The following SPOPL variants were observed in gnomAD, a reference collection of about 807,000 sequenced individuals.
The protein encoded by SPOPL is speckle-type POZ protein-like.
In SPOPL, 23 loss-of-function variants were observed where a neutral mutation model predicts 53.8. That is an observed-to-expected ratio of 0.43 (90% confidence interval 0.31 to 0.61). The LOEUF is 0.61. Ranked by LOEUF, SPOPL falls within the 20% of genes least tolerant of loss-of-function variation. SPOPL has a pLI of 0.12. For missense variants in SPOPL, 442 were observed against 466.9 expected, an observed-to-expected ratio of 0.95 and a Z score of 0.49; for synonymous variants, 164 against 149.7, an observed-to-expected ratio of 1.10 and a Z score of -0.70.
In SPOPL at chr2:138,527,993, C is replaced by T. The variant is rs373804948; in HGVS notation, c.-60-22164C>T. The stretch of plus-strand genomic sequence containing the variant: ...TGTGGGAGAGTGCTCTATTTGATTT[C>T]TGTTAGAAGTTATCTTTTCTCCTTA... On this transcript the variant is annotated intron_variant, in intron 1 of 10. Coordinates refer to ENST00000280098, the MANE Select transcript of SPOPL (RefSeq NM_001001664.3). Among the ~76,000 whole-genome samples, 10 of 152,268 alleles carry T rather than the reference C, an allele frequency of 6.6e-5. No homozygotes were observed. The East Asian group carries it at 1.5e-3, about 23-fold the overall frequency.
At chr2:138,547,947 C>T (rs77741110) in intron 1 of SPOPL, among the ~76,000 whole-genome samples, 1,657 of 152,168 alleles carry the variant, frequency 0.011, 33 homozygotes, top group African/African-American at 0.038. Flanking sequence ...TTAATGGTTG[C>T]ACATTTTCCA....
chr2:138,542,602 A>G (rs192569378), intron 1 of SPOPL, among the ~76,000 whole-genome samples: 1 of 152,042 alleles, frequency 6.6e-6, no homozygotes, highest in Non-Finnish European at 1.5e-5. Flanking sequence ...ATCTTCCTCC[A>G]TCCCTTTATT....
At chr2:138,523,905 C>G (rs554702483) in intron 1 of SPOPL, among the ~76,000 whole-genome samples, 5 of 152,274 alleles carry the variant, frequency 3.3e-5, no homozygotes, top group African/African-American at 1.2e-4. Flanking sequence ...TACAAACTGT[C>G]AGTGGATCTA....
In SPOPL at chr2:138,569,208, C is replaced by T; in HGVS notation, c.*128C>T. 9.6e-7 allele frequency: 1 copy of T among 1,039,624 alleles called. No homozygotes were observed. The highest frequency in any genetic ancestry group is 1.4e-6 in the Non-Finnish European group (1 of 713,434). The allele number at this position is 1,039,624 out of a possible 1,614,324, so 64.4% of individuals were successfully genotyped here. A position where few individuals can be genotyped will look rare whatever the true frequency, so the allele number is the denominator to read the frequency against. On this transcript the variant is annotated 3_prime_UTR_variant, in exon 11 of 11. Transcript: ENST00000280098. Reference sequence around the variant, plus strand: ...GTCCACAGAACAGAAGCTGAAAAAGCATATTGCTTGCATTTCAGGTGGATA... The same window carrying T: ...GTCCACAGAACAGAAGCTGAAAAAGTATATTGCTTGCATTTCAGGTGGATA...
At chr2:138,518,132 CTA>C (rs1684485167) in intron 1 of SPOPL, among the ~76,000 whole-genome samples, 1 of 148,782 alleles carries the variant, frequency 6.7e-6, no homozygotes, top group Admixed American at 6.7e-5. Flanking sequence ...GCAAATGACT[CTA>C]TTATGATTTT....
chr2:138,552,805 T>A, intron 5 of SPOPL, 124 bp downstream of exon 5: 1 of 1,172,060 alleles, frequency 8.5e-7, no homozygotes. Context: ...CATTTGTAAA[T>A]TCTTGACTAG....
At chr2:138,565,981 G>A (rs1246860280) in intron 10 of SPOPL, among the ~76,000 whole-genome samples, 1 of 152,106 alleles carries the variant, frequency 6.6e-6, no homozygotes, top group Non-Finnish European at 1.5e-5. Flanking sequence ...TGATCCGCCT[G>A]TCTTGGCCTC....
chr2:138,524,325 A>G (rs934425642), intron 1 of SPOPL, among the ~76,000 whole-genome samples: 2 of 152,146 alleles, frequency 1.3e-5, no homozygotes, highest in African/African-American at 4.8e-5. Context: ...CCAGCCCATG[A>G]AACCATTTTT....
chr2:138,563,031 T>A (rs1036492479), intron 8 of SPOPL, among the ~76,000 whole-genome samples: 1 of 152,160 alleles, frequency 6.6e-6, no homozygotes, highest in Non-Finnish European at 1.5e-5. Context: ...GCACAGCAGA[T>A]ATCTAATGAA....
chr2:138,532,046 A>G (rs1275506148), intron 1 of SPOPL, among the ~76,000 whole-genome samples: 1 of 152,222 alleles, frequency 6.6e-6, no homozygotes, highest in Non-Finnish European at 1.5e-5. Context: ...GTTTTACTTT[A>G]CAGGCATTTC....
intron 3 of SPOPL, 61 bp downstream of exon 3, chr2:138,550,665 C>T: frequency 1.3e-6 from 2 of 1,545,778 alleles, no homozygotes; most frequent in East Asian, 2.3e-5. Context: ...ATCAGCTGCT[C>T]ATGATTTTGT....
At chr2:138,544,379 AC>A (rs1685144085) in intron 1 of SPOPL, among the ~76,000 whole-genome samples, 1 of 152,170 alleles carries the variant, frequency 6.6e-6, no homozygotes, top group African/African-American at 2.4e-5. Context: ...GGTGGGCTCC[AC>A]CCAGTTCGAG....
At chr2:138,567,129 T>C (rs1242478048) in intron 10 of SPOPL, among the ~76,000 whole-genome samples, 1 of 151,862 alleles carries the variant, frequency 6.6e-6, no homozygotes, top group Non-Finnish European at 1.5e-5. Flanking sequence ...CTTCACGGAG[T>C]TTATGGTCTA....
At chr2:138,552,300 T>C (rs1440885346) in intron 4 of SPOPL, among the ~76,000 whole-genome samples, 5 of 152,056 alleles carry the variant, frequency 3.3e-5, no homozygotes, top group African/African-American at 1.2e-4. Flanking sequence ...TTGATCTGAC[T>C]TTTCTATTTG....
At chr2:138,551,730 T>C (rs1317723019) in intron 4 of SPOPL, among the ~76,000 whole-genome samples, 4 of 152,056 alleles carry the variant, frequency 2.6e-5, no homozygotes, top group Non-Finnish European at 4.4e-5. Flanking sequence ...TAAAATAATA[T>C]ATATTTTCAC....
rs960184465 is a variant in SPOPL at position 138,550,384 on chromosome 2, A to G, written c.78+90A>G. 14 of 1,584,460 alleles carry G rather than the reference A, an allele frequency of 8.8e-6. No homozygotes were observed. In the African/African-American group the frequency reaches 1.6e-4, roughly 18 times the overall value. The stretch of plus-strand genomic sequence containing the variant: ...TATTGTGAAACACTTTGCCATAGTT[A>G]TTAGAAGTGTTAGAAGACTGGATCG... On this transcript the variant is annotated intron_variant, in intron 2 of 10. Coordinates refer to ENST00000280098, the MANE Select transcript of SPOPL (RefSeq NM_001001664.3).
chr2:138,540,846 T>G (rs1388276992), intron 1 of SPOPL, among the ~76,000 whole-genome samples: 5 of 152,276 alleles, frequency 3.3e-5, no homozygotes, highest in African/African-American at 1.2e-4. Flanking sequence ...TGCTTCCAGT[T>G]TTTGGCCATT....
chr2:138,507,438 G>A (rs748142368), intron 1 of SPOPL, among the ~76,000 whole-genome samples: 1 of 152,192 alleles, frequency 6.6e-6, no homozygotes, highest in Non-Finnish European at 1.5e-5. Flanking sequence ...TGTTTTTCTT[G>A]TGTGATTAGT....
At position 138,564,775 on chromosome 2, in the gene SPOPL, T is replaced by C. The variant is rs766609901; in HGVS notation, c.905T>C (p.Val302Ala). Residue 302 changes from valine (V) to alanine (A), a missense_variant, in exon 9 of 11, where the codon GTT becomes GCT. By Grantham distance (64) the Val-to-Ala change is moderately conservative. Coordinates refer to ENST00000280098, the MANE Select transcript of SPOPL (RefSeq NM_001001664.3). The part of the protein sequence containing the change: ...ALCSNLSVEN[V>A]ADTLVLADLH... ...TGTAGTAACCTCTCAGTAGAGAATGTTGCAGATACCCTTGTCCTTGCAGAT... is the reference window on the plus strand; with the variant it reads ...TGTAGTAACCTCTCAGTAGAGAATGCTGCAGATACCCTTGTCCTTGCAGAT... 3.1e-6 allele frequency: 5 copies of C among 1,614,180 alleles called. No homozygotes were observed. The Admixed American group carries it at 5.0e-5, about 16-fold the overall frequency.
Sources: gnomAD v4.1 joint callset for allele counts (sites outside exome capture counted in the v4.1 genomes callset) on GRCh38, gnomAD v4.1.1 for gene constraint, MANE v1.5 for transcripts, NCBI Gene and HGNC (gene_info 2026-07-23, HGNC 2026-07-21) for gene names.